Variants in HCN1 observed in about 807,000 individuals in gnomAD.
HCN1 encodes hyperpolarization activated cyclic nucleotide gated potassium channel 1.
HCN1 carries 13 observed loss-of-function variants against 78.9 expected under a neutral mutation model. That is an observed-to-expected ratio of 0.16 (90% CI 0.11 to 0.26). HCN1 has a LOEUF of 0.26. Ranked by LOEUF, HCN1 falls within the 10% of genes least tolerant of loss-of-function variation. The probability of loss-of-function intolerance (pLI) is 1.00; values close to 1 mark genes in which losing one functional copy is unlikely to be tolerated. For missense variants in HCN1, 810 were observed against 1,154.3 expected, an observed-to-expected ratio of 0.70 and a Z score of 4.32; for synonymous variants, 552 against 455.5, an observed-to-expected ratio of 1.21 and a Z score of -2.70.
chr5:45,645,004 T>A (rs1745515578), intron 2 of HCN1, 181 bp downstream of exon 2: 1 of 559,376 alleles, frequency 1.8e-6, no homozygotes, highest in South Asian at 2.6e-5. Context: ...TCAAATCCAT[T>A]ATTTGATCAT....
chr5:45,297,362 T>A (rs1673248525), intron 6 of HCN1, among the ~76,000 whole-genome samples: 1 of 152,068 alleles, frequency 6.6e-6, no homozygotes. Context: ...GCTTGGGCAT[T>A]AGGGCCATTA....
At chr5:45,616,615 G>A (rs1371680269) in intron 2 of HCN1, among the ~76,000 whole-genome samples, 2 of 151,914 alleles carry the variant, frequency 1.3e-5, no homozygotes, top group East Asian at 1.9e-4. Context: ...CAAAATTTAA[G>A]TCTTTTGCAT....
intron 1 of HCN1, among the ~76,000 whole-genome samples, chr5:45,672,969 A>G (rs1442627153): frequency 6.6e-6 from 1 of 151,430 alleles, no homozygotes; most frequent in Non-Finnish European, 1.5e-5. Context: ...ACTGAAGTCC[A>G]TACTTTATTC....
intron 6 of HCN1, 75 bp from the exon 7 acceptor site, chr5:45,267,328 C>T (rs1744877947): frequency 7.3e-7 from 1 of 1,369,872 alleles, no homozygotes; most frequent in Non-Finnish European, 1.0e-6. Context: ...CTTCCCACAA[C>T]TTAAAACAAG....
rs1464057869 is a variant in HCN1, at chr5:45,395,821, GCCCTAGCCAAA to G, written c.1230+660_1230+670del. 6.8e-4 allele frequency among the ~76,000 whole-genome samples: 103 copies of G among 151,840 alleles called. 1 individual carries two copies. The highest frequency in any genetic ancestry group is 2.3e-3 in the African/African-American group (97 of 41,338). The stretch of plus-strand genomic sequence containing the variant: ...GTACTGTCCCAATACCCTATATTTA[GCCCTAGCCAAA>G]GAAATTCTTCATGTGGGAAAAAAAA... On this transcript the variant is annotated intron_variant, in intron 4 of 7. Coordinates refer to ENST00000303230, the MANE Select transcript of HCN1 (RefSeq NM_021072.4).
intron 2 of HCN1, among the ~76,000 whole-genome samples, chr5:45,465,233 C>G (rs774392371): frequency 6.6e-6 from 1 of 151,998 alleles, no homozygotes; most frequent in Non-Finnish European, 1.5e-5. Flanking sequence ...CACTTTGCTT[C>G]TGTATCTTAA....
Position 45,438,194 on chromosome 5 carries a change from A to G in HCN1, c.1011+23652T>C, listed in dbSNP as rs140131354. On this transcript the variant is annotated intron_variant, in intron 3 of 7. Transcript: ENST00000303230. ...TGTCTACCACACCAAATGAAAAAGCAACATGTTAACACATCCAATTTTGAT... is the reference window on the plus strand; with the variant it reads ...TGTCTACCACACCAAATGAAAAAGCGACATGTTAACACATCCAATTTTGAT... 2.0e-4 allele frequency among the ~76,000 whole-genome samples: 31 copies of G among 152,340 alleles called. 1 individual carries two copies. In the East Asian group the frequency reaches 6.0e-3, roughly 29 times the overall value.
intron 2 of HCN1, among the ~76,000 whole-genome samples, chr5:45,586,688 G>A (rs1199142980): frequency 6.6e-6 from 1 of 151,978 alleles, no homozygotes; most frequent in Non-Finnish European, 1.5e-5. Context: ...GTTGTTTTAA[G>A]CCACCAAATT....
At chr5:45,508,396 G>A (rs1742349461) in intron 2 of HCN1, among the ~76,000 whole-genome samples, 1 of 151,964 alleles carries the variant, frequency 6.6e-6, no homozygotes, top group Non-Finnish European at 1.5e-5. Context: ...TACACCACCT[G>A]TTTTACAATC....
chr5:45,256,922 C>T lies in HCN1; in HGVS notation c.*4999G>A, dbSNP rs2111830412. 6.6e-6 allele frequency: 1 copy of T among 152,314 alleles called. No individual in the cohort carries two copies. The highest frequency in any genetic ancestry group is 2.4e-5 in the African/African-American group (1 of 41,550). The allele number at this position is 152,314 out of a possible 1,614,324, so 9.4% of individuals were successfully genotyped here. A position where few individuals can be genotyped will look rare whatever the true frequency, so the allele number is the denominator to read the frequency against. ...CAAAATTATTTTATCACTTCTTTCCCTTCTCACAGGTTCTAGCTCTTATCT... is the reference window on the plus strand; with the variant it reads ...CAAAATTATTTTATCACTTCTTTCCTTTCTCACAGGTTCTAGCTCTTATCT... On this transcript the variant is annotated 3_prime_UTR_variant, in exon 8 of 8. Transcript: ENST00000303230.
chr5:45,552,454 A>T (rs999846600), intron 2 of HCN1, among the ~76,000 whole-genome samples: 1 of 152,000 alleles, frequency 6.6e-6, no homozygotes, highest in African/African-American at 2.4e-5. Context: ...CAAAAAACTT[A>T]TCATGTCCAC....
chr5:45,456,500 T>A (rs1004411971), intron 3 of HCN1, among the ~76,000 whole-genome samples: 4 of 151,986 alleles, frequency 2.6e-5, no homozygotes, highest in African/African-American at 9.7e-5. Flanking sequence ...ATGCACAGAT[T>A]CCTTCAAATC....
intron 5 of HCN1, among the ~76,000 whole-genome samples, chr5:45,309,000 A>T (rs901325027): frequency 1.3e-5 from 2 of 152,158 alleles, no homozygotes; most frequent in African/African-American, 4.8e-5. Flanking sequence ...ATCCATGAGT[A>T]TGGAATGTTT....
intron 2 of HCN1, among the ~76,000 whole-genome samples, chr5:45,631,133 T>C (rs1218906417): frequency 6.6e-6 from 1 of 152,148 alleles, no homozygotes; most frequent in African/African-American, 2.4e-5. Context: ...TATAAGTTAG[T>C]CACAGGCCTA....
At chr5:45,346,704 G>A (rs1364480044) in intron 5 of HCN1, among the ~76,000 whole-genome samples, 3 of 152,206 alleles carry the variant, frequency 2.0e-5, no homozygotes, top group South Asian at 4.1e-4. Flanking sequence ...GGCACACCAG[G>A]AGATTATATC....
At chr5:45,594,941 A>T (rs1336661434) in intron 2 of HCN1, among the ~76,000 whole-genome samples, 2 of 152,204 alleles carry the variant, frequency 1.3e-5, no homozygotes, top group Non-Finnish European at 2.9e-5. Flanking sequence ...GAGTTAAAAC[A>T]TCTAAGAGTA....
chr5:45,286,051 A>T (rs1745263837), intron 6 of HCN1, among the ~76,000 whole-genome samples: 1 of 151,990 alleles, frequency 6.6e-6, no homozygotes, highest in Non-Finnish European at 1.5e-5. Context: ...AGATTCTCAG[A>T]AACTGGAAAT....
chr5:45,424,483 G>T lies in HCN1; in HGVS notation c.1012-27773C>A, dbSNP rs201829376. On this transcript the variant is annotated intron_variant, in intron 3 of 7. Transcript: ENST00000303230. ...TTATTTTTTGAGTCAGGTTACATAT[G>T]GTTCAGAATCACAACACAGGAGAGA... 7.2e-5 allele frequency among the ~76,000 whole-genome samples: 11 copies of T among 152,088 alleles called. No homozygotes were observed. The East Asian group carries it at 2.1e-3, about 29-fold the overall frequency.
intron 1 of HCN1, among the ~76,000 whole-genome samples, chr5:45,653,434 A>C (rs1745714204): frequency 6.6e-6 from 1 of 152,266 alleles, no homozygotes; most frequent in South Asian, 2.1e-4. Context: ...CTTAATAAAC[A>C]GTCTCCAAAA....
Sources: allele counts gnomAD v4.1 joint callset (sites outside exome capture counted in the v4.1 genomes callset), GRCh38; gene constraint gnomAD v4.1.1; transcripts MANE v1.5; gene names NCBI Gene and HGNC (gene_info 2026-07-23, HGNC 2026-07-21).